The following GRIK5 variants were observed in gnomAD, a reference collection of about 807,000 sequenced individuals.
GRIK5 encodes the protein glutamate receptor ionotropic, kainate 5.
GRIK5 carries 43 observed loss-of-function variants against 97.4 expected under a neutral mutation model. That is an observed-to-expected ratio of 0.44 (90% confidence interval 0.35 to 0.57). The LOEUF is 0.57. Ranked by LOEUF, GRIK5 falls within the 20% of genes least tolerant of loss-of-function variation. The probability of loss-of-function intolerance (pLI) is 0.01; values close to 1 mark genes in which losing one functional copy is unlikely to be tolerated. For missense variants in GRIK5, 1,015 were observed against 1,382.0 expected, an observed-to-expected ratio of 0.73 and a Z score of 4.21; for synonymous variants, 580 against 583.5, an observed-to-expected ratio of 0.99 and a Z score of 0.09.
intron 19 of GRIK5, chr19:42,001,818 T>C (rs2075426033): frequency 5.3e-6 from 2 of 377,898 alleles, no homozygotes; most frequent in African/African-American, 4.1e-5. Flanking sequence ...TTTGTTATGA[T>C]AGCAATAGAT....
chr19:42,009,566 G>A (rs1267251168), intron 15 of GRIK5, among the ~76,000 whole-genome samples: 1 of 151,936 alleles, frequency 6.6e-6, no homozygotes, highest in Non-Finnish European at 1.5e-5. Flanking sequence ...TCAGGAGTTT[G>A]CGACCAGCCT....
chr19:42,056,488 G>C (rs1186042503), intron 8 of GRIK5, among the ~76,000 whole-genome samples, 174 bp downstream of exon 8: 1 of 152,152 alleles, frequency 6.6e-6, no homozygotes, highest in Non-Finnish European at 1.5e-5. Context: ...GGCCAGAGTG[G>C]TGTGGGAGGT....
At chr19:42,016,780 T>C (rs2075629756) in intron 15 of GRIK5, among the ~76,000 whole-genome samples, 1 of 152,142 alleles carries the variant, frequency 6.6e-6, no homozygotes, top group South Asian at 2.1e-4. Flanking sequence ...AACAGTGGTC[T>C]CTGGCAGGGA....
Position 42,019,952 on chromosome 19 carries a change from GAAAC to G in GRIK5, c.1871+1345_1871+1348del, listed in dbSNP as rs367704262. On this transcript the variant is annotated intron_variant, in intron 15 of 19. Transcript: ENST00000593562. ...TGGTAACTTTTTGCAGTAGCAATAG[GAAAC>G]AAACAGAGCTTTCATTGGGTTTTTT... Among the ~76,000 whole-genome samples the G allele has an allele frequency of 1.7e-3, 262 of 151,796 alleles. 1 individual carries two copies. The highest frequency in any genetic ancestry group is 5.9e-3 in the African/African-American group (244 of 41,442).
intron 15 of GRIK5, among the ~76,000 whole-genome samples, chr19:42,018,082 G>A (rs984198909): frequency 2.7e-5 from 4 of 149,676 alleles, no homozygotes; most frequent in Non-Finnish European, 4.4e-5. Context: ...GGGAGGCCAA[G>A]GCGGGTGGAT....
At chr19:42,059,585 G>T in intron 5 of GRIK5, 58 bp from the exon 6 acceptor site, 1 of 1,442,412 alleles carries the variant, frequency 6.9e-7, no homozygotes, top group Non-Finnish European at 9.6e-7. Flanking sequence ...GCATGGCGTA[G>T]ACACTCTCTC....
chr19:42,046,797 G>A (rs1487884749), intron 11 of GRIK5, among the ~76,000 whole-genome samples: 1 of 152,130 alleles, frequency 6.6e-6, no homozygotes, highest in African/African-American at 2.4e-5. Context: ...ACCCAGGGAA[G>A]GAAGGAAACT....
intron 12 of GRIK5, among the ~76,000 whole-genome samples, chr19:42,024,921 ATC>A (rs1370183678): frequency 6.6e-6 from 1 of 152,150 alleles, no homozygotes; most frequent in Non-Finnish European, 1.5e-5. Context: ...TTTGGAAAAT[ATC>A]TGTCTCTTCT....
Position 42,042,511 on chromosome 19 carries a change from G to A in GRIK5, c.1473+41C>T, listed in dbSNP as rs373569542. The A allele has an allele frequency of 7.4e-5, 115 of 1,545,454 alleles. No individual in the cohort carries two copies. The African/African-American group carries it at 9.4e-4, about 13-fold the overall frequency. ...CCCAGCTGCCCGCCCTCCCTCACTCGCCGGGTCCATGCATCTTTCCCGGCC... is the reference window on the plus strand; with the variant it reads ...CCCAGCTGCCCGCCCTCCCTCACTCACCGGGTCCATGCATCTTTCCCGGCC... On this transcript the variant is annotated intron_variant, in intron 12 of 19. Transcript: ENST00000593562. The surrounding 1 kb of genome is among the most constrained non-coding windows in gnomAD (Gnocchi z 6.9).
chr19:42,067,620 A>G (rs1049023287), intron 1 of GRIK5, among the ~76,000 whole-genome samples: 1 of 152,096 alleles, frequency 6.6e-6, no homozygotes, highest in Admixed American at 6.5e-5. Context: ...AGGACAAAGG[A>G]CAGAAAGACC....
chr19:42,040,333 T>C (rs891530721), intron 12 of GRIK5, among the ~76,000 whole-genome samples: 1 of 152,132 alleles, frequency 6.6e-6, no homozygotes, highest in Non-Finnish European at 1.5e-5. Flanking sequence ...TCTCTGTTGG[T>C]GAAAAAAGGG....
At chr19:42,055,989 C>CTTT (rs990570971) in intron 8 of GRIK5, among the ~76,000 whole-genome samples, 1 of 130,280 alleles carries the variant, frequency 7.7e-6, no homozygotes, top group Non-Finnish European at 1.6e-5. Context: ...GGCCAATTTA[C>CTTT]TTTTTTTTTT....
At chr19:42,029,228 C>A (rs886661764) in intron 12 of GRIK5, among the ~76,000 whole-genome samples, 17 of 151,966 alleles carry the variant, frequency 1.1e-4, no homozygotes, top group Non-Finnish European at 1.3e-4. Flanking sequence ...CCACCATGCC[C>A]AGCTAATTTT....
intron 11 of GRIK5, among the ~76,000 whole-genome samples, chr19:42,052,609 C>A (rs540757592): frequency 6.6e-6 from 1 of 152,212 alleles, no homozygotes; most frequent in African/African-American, 2.4e-5. Context: ...GCATCCACAG[C>A]GAATAGCTGA....
At chr19:42,066,259 G>C (rs1304161930) in intron 1 of GRIK5, among the ~76,000 whole-genome samples, 1 of 152,108 alleles carries the variant, frequency 6.6e-6, no homozygotes, top group East Asian at 1.9e-4. Flanking sequence ...GGATGCGGTG[G>C]TTGCTAGGCA....
rs916158112 is a variant in GRIK5 at position 41,999,372 on chromosome 19, C to T, written c.2515-73G>A. 24 of 1,134,184 alleles carry T rather than the reference C, an allele frequency of 2.1e-5. No individual in the cohort carries two copies. The highest frequency in any genetic ancestry group is 2.8e-5 in the Non-Finnish European group (23 of 823,158). The allele number at this position is 1,134,184 out of a possible 1,614,324, so 70.3% of individuals were successfully genotyped here. ...CCTCCCCCAGCCCCTCTCCACATCC[C>T]ACTCCTCCTCCTCCTTTCCTCGCCC... On this transcript the variant is annotated intron_variant, in intron 19 of 19. Transcript: ENST00000593562. This position sits in a 1 kb window ranked among gnomAD's most constrained non-coding sequence, Gnocchi z 5.0.
intron 12 of GRIK5, among the ~76,000 whole-genome samples, chr19:42,039,825 C>G (rs1216444435): frequency 6.6e-6 from 1 of 151,958 alleles, no homozygotes; most frequent in Non-Finnish European, 1.5e-5. Flanking sequence ...ACAAAAAACA[C>G]AAAAATTACC....
intron 11 of GRIK5, among the ~76,000 whole-genome samples, chr19:42,050,102 G>A (rs1267830987): frequency 4.6e-5 from 7 of 151,944 alleles, no homozygotes; most frequent in Admixed American, 4.6e-4. Context: ...GCTAATTTTT[G>A]TATTTTTAGT....
intron 8 of GRIK5, 83 bp downstream of exon 8, chr19:42,056,579 T>C (rs1270739678): frequency 3.3e-6 from 4 of 1,208,390 alleles, no homozygotes; most frequent in African/African-American, 1.5e-5. Flanking sequence ...GTTCTGAGCA[T>C]GATCTGAGTG....
Sources: allele counts gnomAD v4.1 joint callset (sites outside exome capture counted in the v4.1 genomes callset), GRCh38; gene constraint gnomAD v4.1.1; non-coding constraint Gnocchi (gnomAD v3.1); transcripts MANE v1.5; gene names NCBI Gene and HGNC (gene_info 2026-07-23, HGNC 2026-07-21).